SLC7A14: variants seen among roughly 807,000 people sequenced by gnomAD.
SLC7A14 encodes solute carrier family 7 member 14.
SLC7A14 carries 37 observed loss-of-function variants against 60.2 expected under a neutral mutation model. The observed-to-expected ratio is 0.61, with a 90% CI of 0.47 to 0.81. The LOEUF is 0.81. Ranked by LOEUF, SLC7A14 falls within the 30% of genes least tolerant of loss-of-function variation. The probability of loss-of-function intolerance (pLI) is 0.00; values close to 1 mark genes in which losing one functional copy is unlikely to be tolerated. For synonymous variants in SLC7A14, 399 were observed against 395.8 expected (o/e 1.01, Z -0.10); for missense variants, 886 against 982.7 (o/e 0.90, Z 1.32).
intron 2 of SLC7A14, among the ~76,000 whole-genome samples, chr3:170,522,438 A>C (rs564135335): frequency 9.9e-4 from 151 of 152,364 alleles, no homozygotes; most frequent in South Asian, 2.1e-3. Flanking sequence ...GAGCCATACA[A>C]TGGGATACTA....
At chr3:170,580,492 G>A (rs1052673692) in intron 1 of SLC7A14, among the ~76,000 whole-genome samples, 16 of 152,176 alleles carry the variant, frequency 1.1e-4, no homozygotes, top group African/African-American at 3.9e-4. Flanking sequence ...ATCTACTAGA[G>A]GCCAGAGTTA....
rs763286061 is a variant in SLC7A14, at chr3:170,466,135, G to A, written c.*920C>T. 6.6e-6 allele frequency: 1 copy of A among 152,162 alleles called. No individual in the cohort carries two copies. Among genetic ancestry groups the A allele is most frequent in the Non-Finnish European group, 1.5e-5 (1 of 68,036 alleles). 9.4% of individuals were successfully genotyped at this position (152,162 alleles called of 1,614,324 possible). On this transcript the variant is annotated 3_prime_UTR_variant, in exon 8 of 8. Coordinates refer to ENST00000231706, the MANE Select transcript of SLC7A14 (RefSeq NM_020949.3). ...ATTTTAGAAATATGAAAGAGAATTT[G>A]CAATGTGATCTCAGTGGCTGGCTCA...
At chr3:170,520,373 A>T (rs1006098997) in intron 2 of SLC7A14, among the ~76,000 whole-genome samples, 3 of 152,204 alleles carry the variant, frequency 2.0e-5, no homozygotes, top group African/African-American at 4.8e-5. Flanking sequence ...TGACCATTAC[A>T]TTGTTATGAC....
chr3:170,566,911 C>A (rs1315941778), intron 1 of SLC7A14, among the ~76,000 whole-genome samples: 1 of 151,980 alleles, frequency 6.6e-6, no homozygotes, highest in Non-Finnish European at 1.5e-5. Context: ...TTGAAATAGA[C>A]CACCCTGAGA....
chr3:170,540,012 C>T (rs1713969875), intron 1 of SLC7A14, among the ~76,000 whole-genome samples: 1 of 152,126 alleles, frequency 6.6e-6, no homozygotes, highest in Non-Finnish European at 1.5e-5. Context: ...ATACAATGTA[C>T]AGTCGATCTG....
chr3:170,511,637 A>G (rs959569268), intron 2 of SLC7A14, among the ~76,000 whole-genome samples: 1 of 152,214 alleles, frequency 6.6e-6, no homozygotes, highest in African/African-American at 2.4e-5. Context: ...AGAGAGCTTT[A>G]CTTAGCAGTA....
chr3:170,511,070 A>C (rs1712965165), intron 2 of SLC7A14, among the ~76,000 whole-genome samples: 1 of 152,216 alleles, frequency 6.6e-6, no homozygotes, highest in Non-Finnish European at 1.5e-5. Context: ...CACACAGATC[A>C]CTTTGCTCAG....
rs1713724273 is a variant in SLC7A14, at chr3:170,532,970, C to G, written c.-152-5882G>C. 6.6e-6 allele frequency among the ~76,000 whole-genome samples: 1 copy of G among 152,202 alleles called. No individual in the cohort carries two copies. On this transcript the variant is annotated intron_variant, in intron 1 of 7. Coordinates refer to ENST00000231706, the MANE Select transcript of SLC7A14 (RefSeq NM_020949.3). This position sits in a 1 kb window ranked among gnomAD's most constrained non-coding sequence, Gnocchi z 4.0. ...TAGGCCTTTGGGTGTTATGCCTCCT[C>G]TCATTCTTCTATACTTTTGACTTTT...
chr3:170,476,200 C>A (rs1292132370), intron 7 of SLC7A14, among the ~76,000 whole-genome samples: 1 of 152,160 alleles, frequency 6.6e-6, no homozygotes, highest in South Asian at 2.1e-4. Flanking sequence ...GTTGTGGAAG[C>A]CTGGGCTTAG....
At chr3:170,484,151 A>C (rs1414738367) in intron 5 of SLC7A14, among the ~76,000 whole-genome samples, 1 of 152,194 alleles carries the variant, frequency 6.6e-6, no homozygotes, top group African/African-American at 2.4e-5. Context: ...GGACAGAATC[A>C]AGTCCTACTG....
At chr3:170,509,011 A>T (rs1467283416) in intron 2 of SLC7A14, among the ~76,000 whole-genome samples, 1 of 152,206 alleles carries the variant, frequency 6.6e-6, no homozygotes, top group Admixed American at 6.5e-5. Context: ...GTGAACCTGC[A>T]CTGATGTCCT....
chr3:170,517,032 T>C (rs1435303539), intron 2 of SLC7A14, among the ~76,000 whole-genome samples: 1 of 152,160 alleles, frequency 6.6e-6, no homozygotes, highest in Non-Finnish European at 1.5e-5. Context: ...AAACTGCTTG[T>C]TTAGTTTTAT....
At chr3:170,481,527 G>C (rs1186900572) in intron 6 of SLC7A14, among the ~76,000 whole-genome samples, 1 of 151,150 alleles carries the variant, frequency 6.6e-6, no homozygotes, top group Non-Finnish European at 1.5e-5. Flanking sequence ...TCAGCCTCCC[G>C]AGTAGCTGGG....
chr3:170,519,548 G>A (rs1304889450), intron 2 of SLC7A14, among the ~76,000 whole-genome samples: 1 of 152,170 alleles, frequency 6.6e-6, no homozygotes, highest in African/African-American at 2.4e-5. Context: ...AGGTCAAGGC[G>A]GGCAGATCAC....
At chr3:170,549,990 G>A (rs370672479) in intron 1 of SLC7A14, among the ~76,000 whole-genome samples, 222 of 152,342 alleles carry the variant, frequency 1.5e-3, no homozygotes, top group African/African-American at 5.1e-3. Context: ...GTAATTTTAT[G>A]TGCAGAGGGG....
intron 2 of SLC7A14, among the ~76,000 whole-genome samples, chr3:170,520,579 T>A (rs911432086): frequency 3.3e-5 from 5 of 152,202 alleles, no homozygotes; most frequent in African/African-American, 1.2e-4. Context: ...TTGCCAAACA[T>A]TTCTTATGAG....
At chr3:170,544,288 C>T (rs1714106035) in intron 1 of SLC7A14, among the ~76,000 whole-genome samples, 2 of 151,818 alleles carry the variant, frequency 1.3e-5, no homozygotes, top group African/African-American at 4.8e-5. Context: ...CCTCATTTTT[C>T]TGAACTCTGG....
chr3:170,491,097 T>C (rs1406363884), intron 4 of SLC7A14, among the ~76,000 whole-genome samples: 2 of 152,200 alleles, frequency 1.3e-5, no homozygotes, highest in East Asian at 1.9e-4. Flanking sequence ...GATATAGTCA[T>C]GAGCAAGTAC....
In SLC7A14 at chr3:170,460,051, T is replaced by C. The variant is rs1739563499; in HGVS notation, c.*7004A>G. 6.6e-6 allele frequency: 1 copy of C among 152,216 alleles called. No individual in the cohort carries two copies. The highest frequency in any genetic ancestry group is 6.5e-5 in the Admixed American group (1 of 15,282). The allele number at this position is 152,216 out of a possible 1,614,324, so 9.4% of individuals were successfully genotyped here. ...TCATAATACATCTGCATATTATTTC[T>C]TTCTTCATGATACACTACATTGTAC... On this transcript the variant is annotated 3_prime_UTR_variant, in exon 8 of 8. Coordinates refer to ENST00000231706, the MANE Select transcript of SLC7A14 (RefSeq NM_020949.3).
Sources: allele counts gnomAD v4.1 joint callset (sites outside exome capture counted in the v4.1 genomes callset), GRCh38; gene constraint gnomAD v4.1.1; non-coding constraint Gnocchi (gnomAD v3.1); transcripts MANE v1.5; gene names NCBI Gene and HGNC (gene_info 2026-07-23, HGNC 2026-07-21).